The following TULP4 variants were observed in gnomAD, a reference collection of about 807,000 sequenced individuals.
TULP4 encodes TUB like protein 4, also known as tubby-related protein 4.
A neutral mutation model predicts 129.0 loss-of-function variants in TULP4; 16 were observed. That is an observed-to-expected ratio of 0.12 (90% CI 0.08 to 0.19). The LOEUF is 0.19. Ranked by LOEUF, TULP4 falls within the 10% of genes least tolerant of loss-of-function variation. The probability of loss-of-function intolerance (pLI) is 1.00; values close to 1 mark genes in which losing one functional copy is unlikely to be tolerated. For synonymous variants in TULP4, 998 were observed against 854.0 expected (o/e 1.17, Z -2.94); for missense variants, 1,842 against 2,059.1 (o/e 0.89, Z 2.04).
intron 9 of TULP4, among the ~76,000 whole-genome samples, chr6:158,491,968 C>G (rs533104591): frequency 6.6e-6 from 1 of 152,110 alleles, no homozygotes; most frequent in East Asian, 1.9e-4. Flanking sequence ...AAGTGACTCT[C>G]CTGCTTCAGC....
At chr6:158,303,918 A>G (rs1779170748) in intron 1 of TULP4, among the ~76,000 whole-genome samples, 1 of 152,156 alleles carries the variant, frequency 6.6e-6, no homozygotes, top group Non-Finnish European at 1.5e-5. Flanking sequence ...GGTTTAGAAA[A>G]CAAAACAAAC....
intron 1 of TULP4, among the ~76,000 whole-genome samples, chr6:158,328,078 T>TGGTGTGTGTG (rs1779784954): frequency 9.0e-6 from 1 of 110,798 alleles, no homozygotes; most frequent in Admixed American, 9.9e-5. Flanking sequence ...TTCTCAGAGC[T>TGGTGTGTGTG]GGTGTGTGTG....
intron 8 of TULP4, among the ~76,000 whole-genome samples, chr6:158,486,236 G>T (rs1430824733): frequency 6.6e-6 from 1 of 152,068 alleles, no homozygotes; most frequent in Admixed American, 6.5e-5. Flanking sequence ...AATTAAATGA[G>T]ATCTTAAGGG....
At chr6:158,354,645 C>A (rs1780602424) in intron 1 of TULP4, among the ~76,000 whole-genome samples, 1 of 152,148 alleles carries the variant, frequency 6.6e-6, no homozygotes, top group Non-Finnish European at 1.5e-5. Flanking sequence ...GTAGTCCCAG[C>A]ACTTTAGGAG....
intron 6 of TULP4, among the ~76,000 whole-genome samples, chr6:158,463,985 GT>G (rs1182022948): frequency 6.6e-6 from 1 of 152,014 alleles, no homozygotes; most frequent in Non-Finnish European, 1.5e-5. Flanking sequence ...ACTACTCCCT[GT>G]TTCTCCCTCC....
In TULP4 at chr6:158,490,374, T is replaced by C. The variant is rs549134583; in HGVS notation, c.1631+642T>C. ...GTGCCACTGCACTTCAGCCTGGCAA[T>C]AGAGCAAGACTGCACCTCAAATAAA... On this transcript the variant is annotated intron_variant, in intron 9 of 13. Transcript: ENST00000367097. Among the ~76,000 whole-genome samples, 18 of 152,236 alleles carry C rather than the reference T, an allele frequency of 1.2e-4. No individual in the cohort carries two copies. In the South Asian group the frequency reaches 3.5e-3, roughly 30 times the overall value.
intron 2 of TULP4, among the ~76,000 whole-genome samples, chr6:158,425,513 CAAAAAAA>C (rs35469800): frequency 6.5e-5 from 4 of 61,886 alleles, no homozygotes; most frequent in Non-Finnish European, 1.1e-4. Flanking sequence ...AACTCCGTCT[CAAAAAAA>C]AAAAAAAAAA....
intron 1 of TULP4, among the ~76,000 whole-genome samples, chr6:158,298,000 A>G (rs549466973): frequency 5.5e-4 from 83 of 152,184 alleles, no homozygotes; most frequent in Non-Finnish European, 3.4e-4. Flanking sequence ...TAGGAATGCA[A>G]TTCTTTTCCT....
chr6:158,414,105 C>T (rs945034085), intron 2 of TULP4, among the ~76,000 whole-genome samples: 7 of 152,182 alleles, frequency 4.6e-5, no homozygotes, highest in Non-Finnish European at 8.8e-5. Flanking sequence ...TTATTGTCAG[C>T]GGCTATTAGC....
rs138753079 is a variant in TULP4 at position 158,484,778 on chromosome 6, A to G, written c.1486+3489A>G. 6.9e-4 allele frequency among the ~76,000 whole-genome samples: 105 copies of G among 152,382 alleles called. 1 individual carries two copies. The highest frequency in any genetic ancestry group is 2.3e-3 in the African/African-American group (94 of 41,600). On this transcript the variant is annotated intron_variant, in intron 8 of 13. Transcript: ENST00000367097. ...CTAACCTTGAGACTGCTCAGCCTCC[A>G]TAATCGAATGGACCAGTTATTTAGC...
intron 2 of TULP4, among the ~76,000 whole-genome samples, chr6:158,424,648 A>G (rs1027436544): frequency 1.5e-4 from 23 of 152,232 alleles, no homozygotes; most frequent in African/African-American, 5.5e-4. Context: ...GGTAATGACA[A>G]GGGGAGAAAA....
intron 1 of TULP4, among the ~76,000 whole-genome samples, chr6:158,268,513 C>G (rs1485806201): frequency 6.6e-6 from 1 of 152,120 alleles, no homozygotes; most frequent in Non-Finnish European, 1.5e-5. Flanking sequence ...GCTCACAATC[C>G]TGGGAGCTGA....
chr6:158,392,340 C>G (rs1777602491), intron 1 of TULP4, among the ~76,000 whole-genome samples: 1 of 152,310 alleles, frequency 6.6e-6, no homozygotes, highest in African/African-American at 2.4e-5. Flanking sequence ...CGTGGGAATT[C>G]AAGATGAGAT....
intron 1 of TULP4, chr6:158,237,230 G>A: frequency 1.3e-6 from 1 of 773,450 alleles, no homozygotes. Context: ...ATGAAAATAT[G>A]GAGATGAAGA....
At chr6:158,315,323 C>G (rs1779463310) in intron 1 of TULP4, among the ~76,000 whole-genome samples, 2 of 152,068 alleles carry the variant, frequency 1.3e-5, no homozygotes, top group Admixed American at 6.5e-5. Flanking sequence ...GAGAGTGTCT[C>G]TGAGGCCTCT....
chr6:158,250,438 G>A (rs962747902), intron 1 of TULP4, among the ~76,000 whole-genome samples: 4 of 152,210 alleles, frequency 2.6e-5, no homozygotes, highest in Non-Finnish European at 5.9e-5. Context: ...TTACAGGCAT[G>A]AGCCACTATA....
chr6:158,315,263 C>A (rs1583736585), intron 1 of TULP4, among the ~76,000 whole-genome samples: 1 of 151,830 alleles, frequency 6.6e-6, no homozygotes, highest in Non-Finnish European at 1.5e-5. Context: ...GTCTCAAGAT[C>A]CGGGGCTAGT....
chr6:158,431,294 A>T (rs1778621447), intron 3 of TULP4, among the ~76,000 whole-genome samples: 1 of 152,154 alleles, frequency 6.6e-6, no homozygotes, highest in African/African-American at 2.4e-5. Flanking sequence ...CCTAATCCCC[A>T]GGGCTTTTTA....
intron 11 of TULP4, among the ~76,000 whole-genome samples, chr6:158,497,096 C>T (rs1051195520): frequency 6.6e-6 from 1 of 152,176 alleles, no homozygotes; most frequent in Non-Finnish European, 1.5e-5. Flanking sequence ...CAAGCCATAC[C>T]CCCATCTTGG....
Sources: allele counts gnomAD v4.1 joint callset (sites outside exome capture counted in the v4.1 genomes callset), GRCh38; gene constraint gnomAD v4.1.1; transcripts MANE v1.5; gene names NCBI Gene and HGNC (gene_info 2026-07-23, HGNC 2026-07-21).